Variants in CFAP54 observed in about 807,000 individuals in gnomAD.
The protein encoded by CFAP54 is cilia and flagella associated protein 54.
In CFAP54, 290 loss-of-function variants were observed where a neutral mutation model predicts 370.4. That is an observed-to-expected ratio of 0.78 (90% CI 0.71 to 0.86). The LOEUF (loss-of-function observed/expected upper bound fraction) is 0.86. CFAP54 is among the 40% of genes least tolerant of loss of function. CFAP54 has a pLI of 0.00. For synonymous variants in CFAP54, 1,206 were observed against 1,236.5 expected, an observed-to-expected ratio of 0.98 and a Z score of 0.52; for missense variants, 3,399 against 3,528.7, an observed-to-expected ratio of 0.96 and a Z score of 0.93.
chr12:96,687,294 A>C (rs1273406926), intron 42 of CFAP54, among the ~76,000 whole-genome samples: 1 of 152,196 alleles, frequency 6.6e-6, no homozygotes, highest in Non-Finnish European at 1.5e-5. Flanking sequence ...ACATATTCAT[A>C]GGTTCTGGAG....
At chr12:96,719,891 G>A (rs899270007) in intron 49 of CFAP54, among the ~76,000 whole-genome samples, 12 of 152,222 alleles carry the variant, frequency 7.9e-5, no homozygotes, top group African/African-American at 2.7e-4. Flanking sequence ...AGCTATGTGT[G>A]TTAGATAAGC....
intron 60 of CFAP54, among the ~76,000 whole-genome samples, chr12:96,771,713 T>G (rs1958465048): frequency 6.6e-6 from 1 of 152,126 alleles, no homozygotes; most frequent in South Asian, 2.1e-4. Context: ...GTTGTAAGGT[T>G]GTAATTCACA....
chr12:96,623,987 T>A, intron 28 of CFAP54, 106 bp downstream of exon 28: 1 of 736,564 alleles, frequency 1.4e-6, no homozygotes, highest in Non-Finnish European at 2.2e-6. Context: ...GTAAACCCTT[T>A]AAGGTTTACA....
chr12:96,698,594 A>C (rs1485390454), intron 45 of CFAP54, among the ~76,000 whole-genome samples: 1 of 152,154 alleles, frequency 6.6e-6, no homozygotes, highest in African/African-American at 2.4e-5. Context: ...ACCAAATACC[A>C]CATGTTCTCA....
At chr12:96,649,253 G>A (rs966288445) in intron 34 of CFAP54, among the ~76,000 whole-genome samples, 1 of 152,168 alleles carries the variant, frequency 6.6e-6, no homozygotes, top group South Asian at 2.1e-4. Context: ...TGAAGTATTT[G>A]AAAGTGAATT....
rs531689108 is a variant in CFAP54 at position 96,534,218 on chromosome 12, G to A, written c.1696G>A (p.Ala566Thr). 22 of 1,428,186 alleles carry A rather than the reference G, an allele frequency of 1.5e-5. No individual in the cohort carries two copies. Among genetic ancestry groups the A allele is most frequent in the Admixed American group, 4.5e-5 (2 of 43,976 alleles). The allele number at this position is 1,428,186 out of a possible 1,614,324, so 88.5% of individuals were successfully genotyped here. The change falls in exon 11 of 68, where the codon GCT becomes ACT. Residue 566 changes from alanine to threonine, a missense_variant. Around this residue, in one of 3 missense-constraint regions of CFAP54, gnomAD observed 2,796 missense variants for 2,869.7 expected, o/e 0.97. Coordinates refer to ENST00000524981, the MANE Select transcript of CFAP54 (RefSeq NM_001306084.2). ...QSTQIYLKKI[A>T]VHDTCLKTCG... is the part of the protein sequence containing the mutation. ...AACTCAAATTTATTTAAAAAAAATT[G>A]CTGTTCATGGTAAGTATTTATTTGT...
At chr12:96,538,036 C>T (rs1287884900) in intron 12 of CFAP54, among the ~76,000 whole-genome samples, 5 of 151,692 alleles carry the variant, frequency 3.3e-5, no homozygotes, top group East Asian at 1.9e-4. Context: ...GGTGAGATTG[C>T]GAGCCGAGAT....
intron 4 of CFAP54, among the ~76,000 whole-genome samples, chr12:96,507,620 G>A (rs560290570): frequency 1.3e-5 from 2 of 151,916 alleles, no homozygotes; most frequent in Admixed American, 6.6e-5. Context: ...GCTAAAAAAT[G>A]TAATACTTGC....
At chr12:96,549,387 T>C (rs1482569791) in intron 15 of CFAP54, among the ~76,000 whole-genome samples, 1 of 152,346 alleles carries the variant, frequency 6.6e-6, no homozygotes, top group East Asian at 1.9e-4. Flanking sequence ...TGAACTGTTA[T>C]TTATTTAAAT....
chr12:96,615,370 A>T (rs1417631109), intron 26 of CFAP54, among the ~76,000 whole-genome samples: 1 of 152,364 alleles, frequency 6.6e-6, no homozygotes, highest in African/African-American at 2.4e-5. Context: ...TTCAAGATGG[A>T]TTAAAGACTT....
At chr12:96,689,509 AAGG>A (rs1012500118) in intron 43 of CFAP54, among the ~76,000 whole-genome samples, 2 of 152,144 alleles carry the variant, frequency 1.3e-5, no homozygotes, top group Admixed American at 1.3e-4. Flanking sequence ...ACTGCAGAAG[AAGG>A]AGTTTTACAG....
chr12:96,519,964 A>G (rs775025492), intron 6 of CFAP54, among the ~76,000 whole-genome samples: 20 of 152,146 alleles, frequency 1.3e-4, no homozygotes, highest in Non-Finnish European at 2.4e-4. Flanking sequence ...ATCACTTAGT[A>G]TGTACACTCT....
chr12:96,722,089 A>G (rs1434610928), intron 50 of CFAP54, among the ~76,000 whole-genome samples: 1 of 152,190 alleles, frequency 6.6e-6, no homozygotes, highest in African/African-American at 2.4e-5. Context: ...AGTTCAAACC[A>G]TGTAAGTCCT....
intron 8 of CFAP54, among the ~76,000 whole-genome samples, chr12:96,523,818 A>T (rs1490825091): frequency 6.6e-6 from 1 of 152,142 alleles, no homozygotes; most frequent in Non-Finnish European, 1.5e-5. Context: ...AACTAAATAC[A>T]TTTTCAAAGA....
chr12:96,825,456 T>A (rs1565992713), intron 65 of CFAP54, among the ~76,000 whole-genome samples: 1 of 116,540 alleles, frequency 8.6e-6, no homozygotes, highest in African/African-American at 3.7e-5. Context: ...ATATTATATA[T>A]AATATAATAT....
chr12:96,521,503 CGTGTGTGTGT>C (rs10554608), intron 6 of CFAP54, among the ~76,000 whole-genome samples: 1,631 of 129,668 alleles, frequency 0.013, 16 homozygotes, highest in Non-Finnish European at 0.019. Context: ...CAACTGAGGA[CGTGTGTGTGT>C]GTGTGTGTGT....
intron 17 of CFAP54, among the ~76,000 whole-genome samples, chr12:96,560,951 G>C (rs1478086335): frequency 6.6e-6 from 1 of 152,178 alleles, no homozygotes; most frequent in Non-Finnish European, 1.5e-5. Context: ...TTGTAAACAA[G>C]AGCTGTCCCT....
chr12:96,787,982 T>C (rs1036024267), intron 62 of CFAP54, among the ~76,000 whole-genome samples: 2 of 151,744 alleles, frequency 1.3e-5, no homozygotes, highest in South Asian at 4.2e-4. Flanking sequence ...GTGTGATCTT[T>C]CTTGGCTCAC....
chr12:96,498,758 T>A (rs1269180982), intron 1 of CFAP54, among the ~76,000 whole-genome samples: 1 of 152,164 alleles, frequency 6.6e-6, no homozygotes, highest in African/African-American at 2.4e-5. Flanking sequence ...GCATGATCCA[T>A]GAAAGAAAGA....
Sources: allele counts gnomAD v4.1 joint callset (sites outside exome capture counted in the v4.1 genomes callset), GRCh38; gene constraint gnomAD v4.1.1; regional missense constraint gnomAD v4.1.1; transcripts MANE v1.5; gene names NCBI Gene and HGNC (gene_info 2026-07-23, HGNC 2026-07-21).